Variants in GCLC observed in about 807,000 individuals in gnomAD.
The protein encoded by GCLC is glutamate-cysteine ligase catalytic subunit.
Under a neutral mutation model 81.5 loss-of-function variants are expected in GCLC, and 30 were observed. The observed-to-expected ratio is 0.37, with a 90% CI of 0.28 to 0.50. The LOEUF (loss-of-function observed/expected upper bound fraction) is 0.50, where lower values mean the gene tolerates loss of function less well. Ranked by LOEUF, GCLC falls within the 20% of genes least tolerant of loss-of-function variation. The pLI, the probability that GCLC is intolerant of heterozygous loss-of-function variation, is 0.96. For synonymous variants in GCLC, 262 were observed against 273.3 expected (o/e 0.96, Z 0.41); for missense variants, 556 against 777.4 (o/e 0.72, Z 3.39).
At chr6:53,544,433 A>G in intron 1 of GCLC, 63 bp downstream of exon 1, 1 of 1,569,634 alleles carries the variant, frequency 6.4e-7, no homozygotes, top group Non-Finnish European at 8.7e-7. Flanking sequence ...GTAGGGCAAG[A>G]CAAAGGCAGC....
At chr6:53,507,419 A>G (rs769991977) in intron 9 of GCLC, 61 bp downstream of exon 9, 1 of 1,587,032 alleles carries the variant, frequency 6.3e-7, no homozygotes, top group East Asian at 2.2e-5. Context: ...AAAAAGTGTA[A>G]AAGAGCTTTG....
chr6:53,514,073 G>A, intron 6 of GCLC, 131 bp downstream of exon 6: 1 of 825,266 alleles, frequency 1.2e-6, no homozygotes. Context: ...ATGTTTTTCA[G>A]AAAGGCATAC....
At position 53,498,449 on chromosome 6, in the gene GCLC, A is replaced by G. The variant is rs17885545; in HGVS notation, c.*307T>C. ...GCAAGTATTGTACAATTACCAGTAC[A>G]TTTACAAAACTGCTTAGACAGTAGG... On this transcript the variant is annotated 3_prime_UTR_variant, in exon 16 of 16. Transcript: ENST00000650454. 3.0e-6 allele frequency: 1 copy of G among 330,962 alleles called. No homozygotes were observed. The highest frequency in any genetic ancestry group is 5.6e-6 in the Non-Finnish European group (1 of 178,816). The allele number at this position is 330,962 out of a possible 1,614,324, so 20.5% of individuals were successfully genotyped here. A position where few individuals can be genotyped will look rare whatever the true frequency, so the allele number is the denominator to read the frequency against.
chr6:53,504,210 C>A (rs574327351), intron 12 of GCLC, among the ~76,000 whole-genome samples: 1 of 133,406 alleles, frequency 7.5e-6, no homozygotes, highest in Non-Finnish European at 1.6e-5. Context: ...AATAGTAATT[C>A]TTTCCAGTTG....
chr6:53,502,267 T>C (rs1044209312), intron 12 of GCLC, among the ~76,000 whole-genome samples: 4 of 152,234 alleles, frequency 2.6e-5, no homozygotes, highest in Non-Finnish European at 4.4e-5. Flanking sequence ...TTTGATTATA[T>C]GGCCTGTCAG....
intron 6 of GCLC, chr6:53,512,998 G>C (rs984909144): frequency 6.6e-6 from 1 of 152,056 alleles, no homozygotes; most frequent in Non-Finnish European, 1.5e-5. Flanking sequence ...CTTTTTTCGT[G>C]AAGTGTGATG....
rs1228901873 is a variant in GCLC, at chr6:53,544,575, C to T, written c.71G>A (p.Arg24Gln). 1 of 1,606,950 alleles carries T rather than the reference C, an allele frequency of 6.2e-7. No individual in the cohort carries two copies. Among genetic ancestry groups the T allele is most frequent in the Admixed American group, 1.7e-5 (1 of 60,020 alleles). The change falls in exon 1 of 16, where the codon CGG becomes CAG. Residue 24 changes from arginine (R) to glutamine (Q), a missense_variant. Physicochemically the swap from Arg to Gln is conservative, Grantham distance 43. Coordinates refer to ENST00000650454, the MANE Select transcript of GCLC (RefSeq NM_001498.4). ...GTGCAGGAACTGGAGGATCCCGTGC[C>T]GCCGCACGTGGTCGGCATGGCGCTT... ...ETKRHADHVR[R>Q]HGILQFLHIY... is the part of the protein sequence containing the mutation.
chr6:53,514,115 T>C, intron 6 of GCLC, 89 bp downstream of exon 6: 1 of 1,274,866 alleles, frequency 7.8e-7, no homozygotes, highest in African/African-American at 1.5e-5. Flanking sequence ...TAAAATGTGA[T>C]TTTTGGAACA....
chr6:53,534,476 C>CAAAAAAA (rs1554155277), intron 1 of GCLC, among the ~76,000 whole-genome samples: 8 of 143,336 alleles, frequency 5.6e-5, no homozygotes, highest in South Asian at 2.2e-4. Flanking sequence ...ACCTGAAAAA[C>CAAAAAAA]CAAAAAACAA....
intron 1 of GCLC, among the ~76,000 whole-genome samples, chr6:53,532,968 C>T (rs958431715): frequency 6.6e-6 from 1 of 152,176 alleles, no homozygotes; most frequent in Non-Finnish European, 1.5e-5. Flanking sequence ...CATAGAAACT[C>T]GCTCAGAACA....
Position 53,498,525 on chromosome 6 carries a change from T to C in GCLC, c.*231A>G, listed in dbSNP as rs944024854. On this transcript the variant is annotated 3_prime_UTR_variant, in exon 16 of 16. Coordinates refer to ENST00000650454, the MANE Select transcript of GCLC (RefSeq NM_001498.4). ...TGTACAAGCCAGTTCATGATGACTT[T>C]AGATATGTTATTAAAATACATTGTT... 2.2e-5 allele frequency: 12 copies of C among 538,828 alleles called. No individual in the cohort carries two copies. In the South Asian group the frequency reaches 2.3e-4, roughly 10 times the overall value. 33.4% of individuals were successfully genotyped at this position (538,828 alleles called of 1,614,324 possible). A position where few individuals can be genotyped will look rare whatever the true frequency, so the allele number is the denominator to read the frequency against.
At chr6:53,528,525 T>C (rs1204464299) in intron 1 of GCLC, among the ~76,000 whole-genome samples, 5 of 152,208 alleles carry the variant, frequency 3.3e-5, no homozygotes, top group Admixed American at 3.3e-4. Flanking sequence ...AATTGTTCTA[T>C]GTTCCAAAAA....
intron 1 of GCLC, among the ~76,000 whole-genome samples, chr6:53,538,503 T>A (rs1459106068): frequency 6.6e-6 from 1 of 152,050 alleles, no homozygotes; most frequent in African/African-American, 2.4e-5. Flanking sequence ...ATTTTTTCTT[T>A]TGTATTTTTA....
At chr6:53,534,642 AG>A (rs77802486) in intron 1 of GCLC, among the ~76,000 whole-genome samples, 19,773 of 152,154 alleles carry the variant, frequency 0.13, 2,061 homozygotes, top group Admixed American at 0.3. Flanking sequence ...GGTCATGGGC[AG>A]GAAGGTGAAG....
At chr6:53,530,453 A>C (rs1306952719) in intron 1 of GCLC, among the ~76,000 whole-genome samples, 3 of 152,210 alleles carry the variant, frequency 2.0e-5, no homozygotes, top group Admixed American at 2.0e-4. Flanking sequence ...TGAAAATCTC[A>C]GATAAGTTAA....
chr6:53,511,617 T>G (rs1397508649), intron 6 of GCLC, among the ~76,000 whole-genome samples: 1 of 152,074 alleles, frequency 6.6e-6, no homozygotes, highest in African/African-American at 2.4e-5. Flanking sequence ...GCTTTCTTAG[T>G]CTACAGCTGA....
chr6:53,538,389 C>T (rs1257168713), intron 1 of GCLC, among the ~76,000 whole-genome samples: 4 of 150,698 alleles, frequency 2.7e-5, no homozygotes, highest in South Asian at 2.1e-4. Flanking sequence ...TGCAGTGGCG[C>T]GATCTAGGCT....
At chr6:53,503,726 A>G (rs1455821862) in intron 12 of GCLC, among the ~76,000 whole-genome samples, 27 of 149,748 alleles carry the variant, frequency 1.8e-4, no homozygotes, top group Non-Finnish European at 1.0e-4. Context: ...TATTAAGGAA[A>G]AATTCTATTA....
intron 2 of GCLC, among the ~76,000 whole-genome samples, chr6:53,521,487 A>G (rs1324957503): frequency 2.6e-5 from 4 of 152,162 alleles, no homozygotes; most frequent in African/African-American, 9.7e-5. Context: ...AAATGCACAC[A>G]GAGCACTCAC....
Sources: gnomAD v4.1 joint callset for allele counts (sites outside exome capture counted in the v4.1 genomes callset) on GRCh38, gnomAD v4.1.1 for gene constraint, MANE v1.5 for transcripts, NCBI Gene and HGNC (gene_info 2026-07-23, HGNC 2026-07-21) for gene names.